PTPRT: variants seen among roughly 807,000 people sequenced by gnomAD.
PTPRT encodes receptor-type tyrosine-protein phosphatase T.
In PTPRT, 56 loss-of-function variants were observed where a neutral mutation model predicts 176.8. That is an observed-to-expected ratio of 0.32 (90% CI 0.26 to 0.40). The LOEUF is 0.40. Ranked by LOEUF, PTPRT falls within the 10% of genes least tolerant of loss-of-function variation. The probability of loss-of-function intolerance (pLI) is 1.00; values close to 1 mark genes in which losing one functional copy is unlikely to be tolerated. For synonymous variants in PTPRT, 783 were observed against 739.0 expected, an observed-to-expected ratio of 1.06 and a Z score of -0.96; for missense variants, 1,540 against 1,908.2, an observed-to-expected ratio of 0.81 and a Z score of 3.60.
At chr20:42,708,741 A>G (rs1343715015) in intron 6 of PTPRT, among the ~76,000 whole-genome samples, 1 of 152,202 alleles carries the variant, frequency 6.6e-6, no homozygotes, top group Non-Finnish European at 1.5e-5. Flanking sequence ...TTATGAATGT[A>G]TTACTTAATA....
chr20:42,083,971 T>C (rs912649598), intron 29 of PTPRT, among the ~76,000 whole-genome samples: 2 of 152,230 alleles, frequency 1.3e-5, no homozygotes, highest in African/African-American at 4.8e-5. Context: ...TACGTTTGCA[T>C]ATTTGCTACC....
chr20:42,539,891 AG>A (rs2072547752), intron 7 of PTPRT, among the ~76,000 whole-genome samples: 1 of 152,204 alleles, frequency 6.6e-6, no homozygotes, highest in South Asian at 2.1e-4. Context: ...CAATAACAAA[AG>A]TGTGGGTATT....
chr20:42,221,527 G>A (rs1333494216), intron 15 of PTPRT, among the ~76,000 whole-genome samples: 1 of 130,972 alleles, frequency 7.6e-6, no homozygotes, highest in Non-Finnish European at 1.6e-5. Context: ...AAGGGAAACT[G>A]CCACTTTTTT....
At chr20:43,143,260 C>G (rs956092133) in intron 1 of PTPRT, among the ~76,000 whole-genome samples, 2 of 152,150 alleles carry the variant, frequency 1.3e-5, no homozygotes, top group African/African-American at 4.8e-5. Flanking sequence ...TCTGCTATCC[C>G]TCTCCCTCCT....
intron 6 of PTPRT, among the ~76,000 whole-genome samples, chr20:42,754,599 T>G (rs1478440733): frequency 6.6e-6 from 1 of 152,228 alleles, no homozygotes; most frequent in African/African-American, 2.4e-5. Context: ...ATTAATCTTA[T>G]GGCATCAACA....
chr20:42,645,764 A>ATG (rs59454108), intron 7 of PTPRT, among the ~76,000 whole-genome samples: 5,548 of 139,470 alleles, frequency 0.04, 118 homozygotes, highest in East Asian at 0.088. Context: ...ATGTGTATTT[A>ATG]TGTGTGTGTG....
chr20:42,986,923 C>T (rs1983615734), intron 1 of PTPRT, among the ~76,000 whole-genome samples: 1 of 152,164 alleles, frequency 6.6e-6, no homozygotes, highest in Admixed American at 6.5e-5. Context: ...CCCATCCATC[C>T]TTTGCAGTTG....
chr20:42,118,262 G>A, intron 21 of PTPRT, 141 bp downstream of exon 21: 2 of 580,548 alleles, frequency 3.4e-6, no homozygotes, highest in Non-Finnish European at 5.8e-6. Context: ...ATGTGGAATA[G>A]GAGTGATGAC....
At chr20:42,458,164 G>A (rs2070956231) in intron 8 of PTPRT, among the ~76,000 whole-genome samples, 1 of 152,092 alleles carries the variant, frequency 6.6e-6, no homozygotes, top group African/African-American at 2.4e-5. Context: ...ATTCTTTCAG[G>A]AGCAGCCATG....
chr20:43,135,124 CTG>C (rs889125751), intron 1 of PTPRT, among the ~76,000 whole-genome samples: 7 of 152,154 alleles, frequency 4.6e-5, no homozygotes, highest in African/African-American at 1.7e-4. Flanking sequence ...AGGGTTATGT[CTG>C]GGGTTTTTTG....
chr20:43,131,147 G>A (rs531260529), intron 1 of PTPRT, among the ~76,000 whole-genome samples: 1 of 152,280 alleles, frequency 6.6e-6, no homozygotes, highest in East Asian at 1.9e-4. Flanking sequence ...AGTATGCCTG[G>A]GCATCCCCAG....
At chr20:42,052,663 A>T in the PTPRT span, among the ~76,000 whole-genome samples, 1 of 152,258 alleles carries the variant, frequency 6.6e-6, no homozygotes, top group African/African-American at 2.4e-5. Flanking sequence ...TTGGGTTCTC[A>T]GTTGGGCCCC....
At chr20:42,726,150 G>T (rs2076377912) in intron 6 of PTPRT, among the ~76,000 whole-genome samples, 1 of 151,282 alleles carries the variant, frequency 6.6e-6, no homozygotes, top group Non-Finnish European at 1.5e-5. Flanking sequence ...CATGATCTTG[G>T]CTCACTGCAA....
At chr20:42,325,175 G>T (rs1444430354) in intron 11 of PTPRT, among the ~76,000 whole-genome samples, 1 of 152,150 alleles carries the variant, frequency 6.6e-6, no homozygotes, top group African/African-American at 2.4e-5. Context: ...GGGAAGGAAG[G>T]AACCTACAGG....
At chr20:42,107,069 T>C in intron 23 of PTPRT, 148 bp from the exon 24 acceptor site, 6 of 1,026,046 alleles carry the variant, frequency 5.8e-6, no homozygotes, top group South Asian at 1.9e-5. Flanking sequence ...TATGTATAGT[T>C]TGTAATGCAT....
the PTPRT span, among the ~76,000 whole-genome samples, chr20:42,037,418 C>T: frequency 1.4e-4 from 21 of 152,150 alleles, no homozygotes; most frequent in African/African-American, 4.6e-4. Flanking sequence ...ATAACACTTT[C>T]ACCTCCACCA....
At chr20:42,874,353 T>C (rs367782845) in intron 2 of PTPRT, among the ~76,000 whole-genome samples, 8 of 148,408 alleles carry the variant, frequency 5.4e-5, no homozygotes, top group African/African-American at 7.9e-5. Context: ...CTGACAGACT[T>C]AGACAATTCA....
intron 15 of PTPRT, among the ~76,000 whole-genome samples, chr20:42,205,166 A>G (rs2055424607): frequency 6.6e-6 from 1 of 151,936 alleles, no homozygotes; most frequent in Non-Finnish European, 1.5e-5. Context: ...ACAACGAAGG[A>G]ATTTCTAGCA....
intron 2 of PTPRT, among the ~76,000 whole-genome samples, chr20:42,834,774 T>A (rs1319843617): frequency 6.6e-6 from 1 of 152,154 alleles, no homozygotes; most frequent in Non-Finnish European, 1.5e-5. Context: ...AATGGATATA[T>A]GATTCTACAC....
Sources: allele counts gnomAD v4.1 joint callset (sites outside exome capture counted in the v4.1 genomes callset), GRCh38; gene constraint gnomAD v4.1.1; transcripts MANE v1.5; gene names NCBI Gene and HGNC (gene_info 2026-07-23, HGNC 2026-07-21).